TCF7L2: variants seen among roughly 807,000 people sequenced by gnomAD.
The protein encoded by TCF7L2 is transcription factor 7 like 2, also known as transcription factor 7-like 2.
A neutral mutation model predicts 77.9 loss-of-function variants in TCF7L2; 23 were observed. The ratio of observed to expected loss-of-function variants is 0.30; its 90% CI spans 0.21 to 0.42. The LOEUF is 0.42. Among genes scored for constraint, TCF7L2 ranks in the 10% least tolerant of loss-of-function variants. The pLI, the probability that TCF7L2 is intolerant of heterozygous loss-of-function variation, is 1.00. For synonymous variants in TCF7L2, 413 were observed against 340.2 expected (o/e 1.21, Z -2.36); for missense variants, 654 against 793.1 (o/e 0.82, Z 2.11).
chr10:113,008,407 G>A (rs529679408), intron 4 of TCF7L2, among the ~76,000 whole-genome samples: 2 of 152,272 alleles, frequency 1.3e-5, no homozygotes, highest in East Asian at 1.9e-4. Context: ...GGCACTCAGC[G>A]TCACCTTTCT....
intron 11 of TCF7L2, among the ~76,000 whole-genome samples, chr10:113,152,905 G>A (rs2071066555): frequency 6.6e-6 from 1 of 152,142 alleles, no homozygotes; most frequent in Admixed American, 6.5e-5. Flanking sequence ...CCGTTAAGAA[G>A]GAAAAACAAA....
chr10:113,047,474 A>G (rs2053664368), intron 5 of TCF7L2, among the ~76,000 whole-genome samples: 1 of 152,184 alleles, frequency 6.6e-6, no homozygotes, highest in Non-Finnish European at 1.5e-5. Context: ...AAACGAAATC[A>G]TTTCTTGAAT....
At chr10:113,049,833 A>G (rs562350530) in intron 5 of TCF7L2, among the ~76,000 whole-genome samples, 3 of 152,148 alleles carry the variant, frequency 2.0e-5, no homozygotes, top group African/African-American at 7.2e-5. Context: ...CACTAAGCCC[A>G]GGCACTGGCC....
intron 3 of TCF7L2, among the ~76,000 whole-genome samples, chr10:112,955,944 C>T (rs988137183): frequency 1.3e-5 from 2 of 151,458 alleles, no homozygotes; most frequent in African/African-American, 4.9e-5. Context: ...TGCCTCCTTA[C>T]ATCCCACGAG....
rs1003928208 is a variant in TCF7L2, at chr10:113,165,941, C to G, written c.1778C>G (p.Pro593Arg). 6.5e-7 allele frequency: 1 copy of G among 1,541,740 alleles called. No homozygotes were observed. The highest frequency in any genetic ancestry group is 8.8e-7 in the Non-Finnish European group (1 of 1,142,606). ...TCCCTGGCCGGGACCCAGCCCCAGCCGCTGTCGCTCGTCACCAAGTCTTTA... is the reference window on the plus strand; with the variant it reads ...TCCCTGGCCGGGACCCAGCCCCAGCGGCTGTCGCTCGTCACCAAGTCTTTA... The change falls in exon 14 of 14, where the codon CCG (proline) becomes CGG (arginine). Residue 593 changes from proline (P) to arginine (R), a missense_variant. By Grantham distance (103) the Pro-to-Arg change is moderately radical. Around this residue, in one of 6 missense-constraint regions of TCF7L2, gnomAD observed 272 missense variants for 215.4 expected, o/e 1.26. Coordinates refer to ENST00000627217, the MANE Select transcript of TCF7L2 (RefSeq NM_001146274.2).
chr10:113,107,003 G>C (rs2062410377), intron 5 of TCF7L2, among the ~76,000 whole-genome samples: 1 of 152,192 alleles, frequency 6.6e-6, no homozygotes, highest in African/African-American at 2.4e-5. Context: ...GAGTTCACTG[G>C]TTTTATAATT....
rs1354270523 is a variant in TCF7L2 at position 113,151,556 on chromosome 10, C to T, written c.1002-169C>T. Among the ~76,000 whole-genome samples, 2 of 152,088 alleles carry T rather than the reference C, an allele frequency of 1.3e-5. No homozygotes were observed. Among genetic ancestry groups the T allele is most frequent in the Non-Finnish European group, 2.9e-5 (2 of 68,002 alleles). On this transcript the variant is annotated intron_variant, in intron 9 of 13. Coordinates refer to ENST00000627217, the MANE Select transcript of TCF7L2 (RefSeq NM_001146274.2). The surrounding 1 kb of genome is among the most constrained non-coding windows in gnomAD (Gnocchi z 5.2). ...TCCCTCTCTTCCCCCAACCCCTCCC[C>T]AAGCTATTTTTGTTCCATTTTCCGG...
At chr10:113,108,462 C>T (rs1398693492) in intron 5 of TCF7L2, among the ~76,000 whole-genome samples, 1 of 152,070 alleles carries the variant, frequency 6.6e-6, no homozygotes, top group Non-Finnish European at 1.5e-5. Flanking sequence ...GAGGGGTGCA[C>T]ACTGAAGCCA....
chr10:112,987,579 T>A (rs1307311674), intron 4 of TCF7L2: 2 of 152,088 alleles, frequency 1.3e-5, no homozygotes, highest in African/African-American at 4.8e-5. Flanking sequence ...TCCAGAGTCG[T>A]CCAGTTTCTA....
intron 3 of TCF7L2, among the ~76,000 whole-genome samples, chr10:112,960,314 G>A (rs2034738960): frequency 2.0e-5 from 3 of 152,220 alleles, no homozygotes; most frequent in Admixed American, 1.3e-4. Flanking sequence ...AATAAGGGAA[G>A]GGGTTAATCT....
chr10:113,165,849 T>A lies in TCF7L2; in HGVS notation c.1686T>A (p.Ala562=), dbSNP rs191419844. 1 of 1,607,886 alleles carries A rather than the reference T, an allele frequency of 6.2e-7. No individual in the cohort carries two copies. Among genetic ancestry groups the A allele is most frequent in the Non-Finnish European group, 8.5e-7 (1 of 1,176,420 alleles). ...GGGCCCTGGACCTGCCCCCAGCCGC[T>A]TTGCAGCCTGCCGCCCCCTCCTCAT... Residue 562 remains alanine, a synonymous_variant, in exon 14 of 14, where the codon GCT becomes GCA. Coordinates refer to ENST00000627217, the MANE Select transcript of TCF7L2 (RefSeq NM_001146274.2).
At chr10:113,044,017 A>G (rs1334827458) in intron 5 of TCF7L2, among the ~76,000 whole-genome samples, 1 of 152,238 alleles carries the variant, frequency 6.6e-6, no homozygotes, top group East Asian at 1.9e-4. Flanking sequence ...AAAGACTTCA[A>G]AAGTTCCTAC....
In TCF7L2 at chr10:112,950,447, GTGTT is replaced by G. The variant is rs2030659155; in HGVS notation, c.-308_-305del. The G allele has an allele frequency of 4.1e-6, 1 of 242,806 alleles. No individual in the cohort carries two copies. The highest frequency in any genetic ancestry group is 7.9e-6 in the Non-Finnish European group (1 of 126,504). The allele number at this position is 242,806 out of a possible 1,614,324, so 15.0% of individuals were successfully genotyped here. On this transcript the variant is annotated 5_prime_UTR_variant, in exon 1 of 14. Transcript: ENST00000627217. ...TATATCTGACTTCTTGTTGTTGTTG[GTGTT>G]TTTTTTTTTTTTACCCCCCTTTTTT...
chr10:113,035,173 A>G (rs936840322), intron 4 of TCF7L2, among the ~76,000 whole-genome samples: 5 of 152,172 alleles, frequency 3.3e-5, no homozygotes, highest in Non-Finnish European at 7.3e-5. Flanking sequence ...TGGGGGCCTC[A>G]GCCAAAGGGT....
chr10:113,122,407 A>G (rs893160878), intron 5 of TCF7L2, among the ~76,000 whole-genome samples: 41 of 152,248 alleles, frequency 2.7e-4, no homozygotes, highest in African/African-American at 9.9e-4. Context: ...AAAACTTGTT[A>G]GATTAAAAGC....
At chr10:113,155,337 A>T (rs1050724918) in intron 11 of TCF7L2, among the ~76,000 whole-genome samples, 1 of 152,028 alleles carries the variant, frequency 6.6e-6, no homozygotes, top group African/African-American at 2.4e-5. Context: ...CCATTTGCTC[A>T]CCTGAGTTTC....
chr10:112,959,404 G>C (rs1159962517), intron 3 of TCF7L2, among the ~76,000 whole-genome samples: 6 of 152,158 alleles, frequency 3.9e-5, no homozygotes, highest in Admixed American at 3.9e-4. Flanking sequence ...ATAGCTGATG[G>C]TTTCAGGTTG....
chr10:113,032,585 G>A (rs1052417793), intron 4 of TCF7L2, among the ~76,000 whole-genome samples: 2 of 152,210 alleles, frequency 1.3e-5, no homozygotes, highest in African/African-American at 4.8e-5. Flanking sequence ...TCCTGGTTGA[G>A]TTCAGGCAAG....
At chr10:113,156,225 C>G (rs970520380) in intron 11 of TCF7L2, among the ~76,000 whole-genome samples, 3 of 151,704 alleles carry the variant, frequency 2.0e-5, no homozygotes, top group African/African-American at 7.3e-5. Context: ...AGTGATCCTC[C>G]TGTCTCAGCC....
Sources: allele counts gnomAD v4.1 joint callset (sites outside exome capture counted in the v4.1 genomes callset), GRCh38; gene constraint gnomAD v4.1.1; regional missense constraint gnomAD v4.1.1; non-coding constraint Gnocchi (gnomAD v3.1); transcripts MANE v1.5; gene names NCBI Gene and HGNC (gene_info 2026-07-23, HGNC 2026-07-21).